Variants in PEX5L observed in about 807,000 individuals in gnomAD.
PEX5L encodes the protein PEX5-related protein.
Under a neutral mutation model 84.0 loss-of-function variants are expected in PEX5L, and 30 were observed. The ratio of observed to expected loss-of-function variants is 0.36; its 90% CI spans 0.27 to 0.48. PEX5L has a LOEUF of 0.48. Ranked by LOEUF, PEX5L falls within the 20% of genes least tolerant of loss-of-function variation. The pLI is 0.99. For missense variants in PEX5L, 533 were observed against 754.6 expected, an observed-to-expected ratio of 0.71 and a Z score of 3.44; for synonymous variants, 270 against 283.1, an observed-to-expected ratio of 0.95 and a Z score of 0.46.
At chr3:179,806,173 T>A (rs1235989702) in intron 14 of PEX5L, among the ~76,000 whole-genome samples, 1 of 151,590 alleles carries the variant, frequency 6.6e-6, no homozygotes, top group Non-Finnish European at 1.5e-5. Context: ...ATACACAACA[T>A]ATCTAGAAAA....
chr3:179,923,553 T>C (rs1342161022), intron 2 of PEX5L, among the ~76,000 whole-genome samples: 1 of 152,182 alleles, frequency 6.6e-6, no homozygotes, highest in African/African-American at 2.4e-5. Context: ...GGTGAAGCTA[T>C]CAAGCTGTGT....
chr3:179,878,991 G>C (rs952468967), intron 5 of PEX5L, among the ~76,000 whole-genome samples: 2 of 152,180 alleles, frequency 1.3e-5, no homozygotes, highest in Non-Finnish European at 2.9e-5. Flanking sequence ...ATTAATTCAT[G>C]ACCATTTAAC....
intron 4 of PEX5L, among the ~76,000 whole-genome samples, chr3:179,883,400 C>T (rs1320026270): frequency 6.6e-6 from 1 of 152,216 alleles, no homozygotes; most frequent in African/African-American, 2.4e-5. Context: ...GTCCTGTCTT[C>T]TTCACTTTAG....
At chr3:179,939,555 T>C (rs1276560319) in intron 2 of PEX5L, among the ~76,000 whole-genome samples, 1 of 152,208 alleles carries the variant, frequency 6.6e-6, no homozygotes, top group Non-Finnish European at 1.5e-5. Flanking sequence ...AGGGGTAATG[T>C]ATGTGTTAAC....
intron 6 of PEX5L, among the ~76,000 whole-genome samples, chr3:179,874,724 T>C (rs1164081000): frequency 8.7e-6 from 1 of 114,384 alleles, no homozygotes; most frequent in African/African-American, 3.4e-5. Flanking sequence ...AAAAAAATTA[T>C]GGTTTTTTTT....
rs535698631 is a variant in PEX5L, at chr3:179,904,216, A to G, written c.94-5970T>C. Among the ~76,000 whole-genome samples the G allele has an allele frequency of 4.6e-5, 7 of 152,254 alleles. No individual in the cohort carries two copies. In the East Asian group the frequency reaches 1.2e-3, roughly 25 times the overall value. On this transcript the variant is annotated intron_variant, in intron 2 of 14. Transcript: ENST00000467460. ...TTACTGTCTCTTTTTCCCCTCCAGC[A>G]TTGCTTTCTCCATGCAACAGGTGCA...
At chr3:179,998,148 G>A (rs1479778890) in intron 1 of PEX5L, among the ~76,000 whole-genome samples, 3 of 152,212 alleles carry the variant, frequency 2.0e-5, no homozygotes, top group African/African-American at 4.8e-5. Flanking sequence ...GGGTCCAGTG[G>A]TGTGGGGCCT....
rs574740406 is a variant in PEX5L at position 180,027,563 on chromosome 3, C to T, written c.21+9016G>A. 4.6e-5 allele frequency among the ~76,000 whole-genome samples: 7 copies of T among 152,224 alleles called. No individual in the cohort carries two copies. The South Asian group carries it at 1.5e-3, about 32-fold the overall frequency. On this transcript the variant is annotated intron_variant, in intron 1 of 14. Coordinates refer to ENST00000467460, the MANE Select transcript of PEX5L (RefSeq NM_016559.3). ...AATATACACACCATGCTTTTTATCACTTCATACAGTACGTGTATGTCCTAT... is the reference window on the plus strand; with the variant it reads ...AATATACACACCATGCTTTTTATCATTTCATACAGTACGTGTATGTCCTAT...
chr3:179,899,192 A>C (rs1295422645), intron 2 of PEX5L, among the ~76,000 whole-genome samples: 1 of 152,112 alleles, frequency 6.6e-6, no homozygotes, highest in Non-Finnish European at 1.5e-5. Context: ...TATAATGGGA[A>C]AGCCCCCCAA....
intron 1 of PEX5L, among the ~76,000 whole-genome samples, chr3:179,997,480 G>A (rs972691651): frequency 2.0e-5 from 3 of 152,132 alleles, no homozygotes; most frequent in African/African-American, 7.2e-5. Flanking sequence ...TATTATGGTG[G>A]GAAAGGTCAA....
intron 8 of PEX5L, among the ~76,000 whole-genome samples, chr3:179,848,551 C>CAAAAAA (rs377561010): frequency 5.2e-5 from 5 of 95,754 alleles, no homozygotes; most frequent in African/African-American, 6.9e-5. Context: ...AAACCTCTCT[C>CAAAAAA]AAAAAAAAAA....
intron 2 of PEX5L, among the ~76,000 whole-genome samples, chr3:179,959,018 C>T (rs1211852891): frequency 6.6e-6 from 1 of 150,850 alleles, no homozygotes; most frequent in Non-Finnish European, 1.5e-5. Flanking sequence ...CAGAGCGAGA[C>T]TCCATCTCAA....
Position 179,900,228 on chromosome 3 carries a change from A to G in PEX5L, c.94-1982T>C, listed in dbSNP as rs897237596. Among the ~76,000 whole-genome samples the G allele has an allele frequency of 2.0e-5, 3 of 152,300 alleles. No individual in the cohort carries two copies. The South Asian group carries it at 6.2e-4, about 32-fold the overall frequency. On this transcript the variant is annotated intron_variant, in intron 2 of 14. Coordinates refer to ENST00000467460, the MANE Select transcript of PEX5L (RefSeq NM_016559.3). ...AAGAGAGCAAAGTCATTTGTGAAGA[A>G]TTCTTTCCATGCTTCAGTAAGTTCT...
intron 2 of PEX5L, among the ~76,000 whole-genome samples, chr3:179,939,949 A>G (rs1261420540): frequency 6.6e-6 from 1 of 152,208 alleles, no homozygotes; most frequent in Non-Finnish European, 1.5e-5. Context: ...AAATAAAAGG[A>G]AAGTTATATG....
chr3:180,035,417 T>C (rs1434198484), intron 1 of PEX5L, among the ~76,000 whole-genome samples: 2 of 152,184 alleles, frequency 1.3e-5, no homozygotes, highest in Non-Finnish European at 2.9e-5. Context: ...CATTAATAAT[T>C]TTCAAAACAG....
chr3:179,973,537 A>AT (rs1785286603), intron 1 of PEX5L: 1 of 962,860 alleles, frequency 1.0e-6, no homozygotes, highest in South Asian at 4.8e-5. Flanking sequence ...AAATTATATA[A>AT]TTTTTGTATT....
intron 1 of PEX5L, chr3:179,974,056 C>A: frequency 1.0e-6 from 1 of 985,576 alleles, no homozygotes; most frequent in South Asian, 4.7e-5. Flanking sequence ...TTCAAGCACT[C>A]AGCTTCCCAC....
chr3:179,842,660 A>G (rs73885957), intron 8 of PEX5L, among the ~76,000 whole-genome samples: 4,530 of 152,236 alleles, frequency 0.03, 219 homozygotes, highest in African/African-American at 0.1. Flanking sequence ...CGAATATACT[A>G]AAGAAGGCAG....
At chr3:179,852,115 G>C (rs1742132704) in intron 8 of PEX5L, among the ~76,000 whole-genome samples, 1 of 152,210 alleles carries the variant, frequency 6.6e-6, no homozygotes, top group Non-Finnish European at 1.5e-5. Flanking sequence ...CACTGTTTCT[G>C]AGGGTCAGGA....
Sources: gnomAD v4.1 joint callset for allele counts (sites outside exome capture counted in the v4.1 genomes callset) on GRCh38, gnomAD v4.1.1 for gene constraint, MANE v1.5 for transcripts, NCBI Gene and HGNC (gene_info 2026-07-23, HGNC 2026-07-21) for gene names.